ZNF280D: variants seen among roughly 807,000 people sequenced by gnomAD.
ZNF280D encodes the protein zinc finger protein 280D, also known as suppressor of hairy wing homolog 4.
In ZNF280D, 39 loss-of-function variants were observed where a neutral mutation model predicts 94.7. The observed-to-expected ratio is 0.41, with a 90% CI of 0.32 to 0.54. The LOEUF (loss-of-function observed/expected upper bound fraction) is 0.54, where lower values mean the gene tolerates loss of function less well. Among genes scored for constraint, ZNF280D ranks in the 20% least tolerant of loss-of-function variants. The pLI, the probability that ZNF280D is intolerant of heterozygous loss-of-function variation, is 0.22. For synonymous variants in ZNF280D, 398 were observed against 377.6 expected (o/e 1.05, Z -0.63); for missense variants, 1,090 against 1,149.3 (o/e 0.95, Z 0.75).
Position 56,689,335 on chromosome 15 carries a change from G to A in ZNF280D, c.635C>T (p.Pro212Leu), listed in dbSNP as rs750982556. The change falls in exon 8 of 22, where the codon CCT (proline) becomes CTT (leucine). Residue 212 changes from proline to leucine, a missense_variant. Coordinates refer to ENST00000267807, the MANE Select transcript of ZNF280D (RefSeq NM_017661.4). The part of the protein sequence containing the change: ...SSAVLPSVKS[P>L]SVTSSQAMLA... ...CATAGCCTGGGAAGAAGTCACTGAA[G>A]GAGATTTAACTGAAGGTAATACAGC... 3.1e-6 allele frequency: 5 copies of A among 1,607,056 alleles called. No homozygotes were observed. Among genetic ancestry groups the A allele is most frequent in the Non-Finnish European group, 4.2e-6 (5 of 1,177,600 alleles).
intron 9 of ZNF280D, 58 bp from the exon 10 acceptor site, chr15:56,682,535 A>C: frequency 8.7e-7 from 1 of 1,151,984 alleles, no homozygotes; most frequent in Non-Finnish European, 1.2e-6. Context: ...AAAAAACCAC[A>C]TACCAAAAAG....
rs762699406 is a variant in ZNF280D at position 56,631,842 on chromosome 15, T to A, written c.2596A>T (p.Ile866Phe). ...GCTTCACTGGAGTTGTGATCTTTAA[T>A]CTGATCAGATAAGATTATGTTTTCT... ...SSENIILSDQIKDHNSSEARF... is the reference protein window; with the variant it reads ...SSENIILSDQFKDHNSSEARF... Residue 866 changes from isoleucine (I) to phenylalanine (F), a missense_variant, in exon 22 of 22, where the codon ATT becomes TTT. Around this residue, in one of 3 missense-constraint regions of ZNF280D, gnomAD observed 577 missense variants for 568.8 expected, o/e 1.01. Transcript: ENST00000267807. 2.5e-6 allele frequency: 4 copies of A among 1,613,964 alleles called. No homozygotes were observed. In the South Asian group the frequency reaches 4.4e-5, roughly 18 times the overall value.
intron 6 of ZNF280D, among the ~76,000 whole-genome samples, chr15:56,694,690 T>A (rs1596533310): frequency 6.6e-6 from 1 of 152,134 alleles, no homozygotes; most frequent in East Asian, 1.9e-4. Flanking sequence ...CTTAAAAGTG[T>A]CAAGTTCATG....
At chr15:56,706,279 A>G (rs2057397345) in intron 3 of ZNF280D, among the ~76,000 whole-genome samples, 1 of 150,256 alleles carries the variant, frequency 6.7e-6, no homozygotes, top group Non-Finnish European at 1.5e-5. Context: ...GTTCGATACC[A>G]GCCTGGCCAA....
rs1414610130 is a variant in ZNF280D, at chr15:56,653,605, A to C, written c.2213+593T>G. On this transcript the variant is annotated intron_variant, in intron 19 of 21. Coordinates refer to ENST00000267807, the MANE Select transcript of ZNF280D (RefSeq NM_017661.4). ...TCTCTGGGCTGCTTCTGCATCTGAA[A>C]AATAAGAAAAATAGCACAATGACAG... 4 of 1,478,394 alleles carry C rather than the reference A, an allele frequency of 2.7e-6. No homozygotes were observed. The East Asian group carries it at 1.0e-4, about 39-fold the overall frequency. The allele number at this position is 1,478,394 out of a possible 1,614,324, so 91.6% of individuals were successfully genotyped here.
chr15:56,722,943 T>C (rs1285410504), intron 1 of ZNF280D, among the ~76,000 whole-genome samples: 11 of 151,608 alleles, frequency 7.3e-5, no homozygotes, highest in East Asian at 3.9e-4. Context: ...ATGGATGAAA[T>C]TGGAAACCAT....
intron 6 of ZNF280D, among the ~76,000 whole-genome samples, chr15:56,695,502 T>A (rs1596536053): frequency 1.3e-5 from 2 of 151,720 alleles, no homozygotes; most frequent in Middle Eastern, 3.4e-3. Flanking sequence ...GAGAAATGAT[T>A]AAACTGATAA....
chr15:56,723,278 T>A (rs2058468852), intron 1 of ZNF280D, among the ~76,000 whole-genome samples: 1 of 152,100 alleles, frequency 6.6e-6, no homozygotes, highest in African/African-American at 2.4e-5. Flanking sequence ...ATGTGGTGTA[T>A]CAATACAATG....
At chr15:56,687,504 T>A (rs1596500957) in intron 9 of ZNF280D, among the ~76,000 whole-genome samples, 1 of 152,218 alleles carries the variant, frequency 6.6e-6, no homozygotes, top group East Asian at 1.9e-4. Flanking sequence ...CAAAACAAAC[T>A]AATAAAAAAT....
Position 56,631,426 on chromosome 15 carries a change from CACT to C in ZNF280D, c.*69_*71del. On this transcript the variant is annotated 3_prime_UTR_variant, in exon 22 of 22. Coordinates refer to ENST00000267807, the MANE Select transcript of ZNF280D (RefSeq NM_017661.4). Reference sequence around the variant, plus strand: ...TCCATTTCTGAACCTACAACAGCACCACTGAGCTCACCTGATAGCACTGTTCCA... The same window carrying C: ...TCCATTTCTGAACCTACAACAGCACCGAGCTCACCTGATAGCACTGTTCCA... 1.3e-6 allele frequency: 2 copies of C among 1,513,392 alleles called. No homozygotes were observed. The highest frequency in any genetic ancestry group is 9.0e-7 in the Non-Finnish European group (1 of 1,110,482). 93.7% of individuals were successfully genotyped at this position (1,513,392 alleles called of 1,614,324 possible).
Position 56,666,684 on chromosome 15 carries a change from A to G in ZNF280D, c.1848T>C (p.Asn616=). ...TATCAGGAATAAAAGATTACCTTAA[A>G]TTCCTCAATGCTGTATTGACTTTAC... ...KKSKVNTALR[N]LRYRRGIHKC... The change falls in exon 15 of 22, where the codon AAT becomes AAC. Residue 616 remains asparagine, a synonymous_variant. Transcript: ENST00000267807. The G allele has an allele frequency of 6.3e-7, 1 of 1,590,188 alleles. No homozygotes were observed. Among genetic ancestry groups the G allele is most frequent in the Non-Finnish European group, 8.5e-7 (1 of 1,172,742 alleles).
At chr15:56,713,193 T>C (rs1455949057) in intron 1 of ZNF280D, among the ~76,000 whole-genome samples, 12 of 152,306 alleles carry the variant, frequency 7.9e-5, no homozygotes, top group East Asian at 1.9e-4. Flanking sequence ...AACCAAGAAG[T>C]TGGCAACACC....
At chr15:56,685,907 T>G (rs1457928830) in intron 9 of ZNF280D, among the ~76,000 whole-genome samples, 1 of 152,144 alleles carries the variant, frequency 6.6e-6, no homozygotes, top group Non-Finnish European at 1.5e-5. Context: ...GAGATTTTCA[T>G]ATAGGATCAC....
intron 16 of ZNF280D, among the ~76,000 whole-genome samples, chr15:56,658,849 T>C (rs374161656): frequency 1.3e-5 from 2 of 152,306 alleles, no homozygotes; most frequent in African/African-American, 2.4e-5. Context: ...TGTGCTACAA[T>C]ATGAAGTTAT....
intron 9 of ZNF280D, 149 bp downstream of exon 9, chr15:56,688,892 C>CT: frequency 2.1e-6 from 1 of 476,884 alleles, no homozygotes; most frequent in Non-Finnish European, 3.7e-6. Flanking sequence ...ATTTGAGAAT[C>CT]TATATAATCA....
intron 1 of ZNF280D, among the ~76,000 whole-genome samples, chr15:56,729,155 G>C (rs1414334315): frequency 1.4e-5 from 2 of 147,434 alleles, no homozygotes; most frequent in Non-Finnish European, 3.0e-5. Flanking sequence ...GATAAGCTTG[G>C]ACAATGCAGA....
intron 9 of ZNF280D, 122 bp from the exon 10 acceptor site, chr15:56,682,599 T>A (rs1441098736): frequency 2.0e-5 from 12 of 606,608 alleles, no homozygotes; most frequent in African/African-American, 2.0e-4. Flanking sequence ...TTGTAATATA[T>A]CTAGAAAAAT....
intron 20 of ZNF280D, among the ~76,000 whole-genome samples, chr15:56,639,084 G>C (rs963404033): frequency 2.0e-5 from 3 of 151,518 alleles, no homozygotes; most frequent in Admixed American, 2.0e-4. Context: ...TCTCCAAAGA[G>C]GTATATGTTA....
intron 1 of ZNF280D, among the ~76,000 whole-genome samples, chr15:56,709,069 G>A (rs1379217800): frequency 5.3e-5 from 8 of 152,144 alleles, no homozygotes; most frequent in South Asian, 2.1e-4. Context: ...GAGTGAACAG[G>A]CAACCTACAG....
Sources: allele counts gnomAD v4.1 joint callset (sites outside exome capture counted in the v4.1 genomes callset), GRCh38; gene constraint gnomAD v4.1.1; regional missense constraint gnomAD v4.1.1; transcripts MANE v1.5; gene names NCBI Gene and HGNC (gene_info 2026-07-23, HGNC 2026-07-21).